FCHSD2: variants seen among roughly 807,000 people sequenced by gnomAD.
FCHSD2 encodes the protein F-BAR and double SH3 domains protein 2.
In FCHSD2, 38 loss-of-function variants were observed where a neutral mutation model predicts 108.1. That is an observed-to-expected ratio of 0.35 (90% confidence interval 0.27 to 0.46). The LOEUF is 0.46. Among genes scored for constraint, FCHSD2 ranks in the 20% least tolerant of loss-of-function variants. FCHSD2 has a pLI of 1.00. For missense variants in FCHSD2, 751 were observed against 897.8 expected (o/e 0.84, Z 2.09); for synonymous variants, 279 against 314.7 (o/e 0.89, Z 1.20).
At chr11:73,020,031 T>C (rs1858063824) in intron 3 of FCHSD2, among the ~76,000 whole-genome samples, 1 of 152,224 alleles carries the variant, frequency 6.6e-6, no homozygotes, top group South Asian at 2.1e-4. Flanking sequence ...TGCATAATGC[T>C]GATTTGATTT....
chr11:73,029,098 T>C (rs1489271859), intron 3 of FCHSD2, among the ~76,000 whole-genome samples: 1 of 152,082 alleles, frequency 6.6e-6, no homozygotes, highest in African/African-American at 2.4e-5. Context: ...ACCATAAATA[T>C]AATGGTGTAG....
At chr11:72,961,592 T>C (rs1034707817) in intron 8 of FCHSD2, among the ~76,000 whole-genome samples, 1 of 152,158 alleles carries the variant, frequency 6.6e-6, no homozygotes, top group East Asian at 1.9e-4. Flanking sequence ...AGTTCAGAAA[T>C]GGATACTTTT....
At chr11:72,943,949 CTTTA>C (rs1366833723) in intron 8 of FCHSD2, among the ~76,000 whole-genome samples, 1 of 152,148 alleles carries the variant, frequency 6.6e-6, no homozygotes, top group Non-Finnish European at 1.5e-5. Context: ...ATGCTGCCAA[CTTTA>C]ACTTCTATTG....
chr11:73,049,990 A>C (rs1052526761), intron 3 of FCHSD2, among the ~76,000 whole-genome samples: 19 of 152,218 alleles, frequency 1.2e-4, no homozygotes. Context: ...TTTGAGAGAG[A>C]GTGAAATACT....
At chr11:72,953,015 A>G (rs570743155) in intron 8 of FCHSD2, among the ~76,000 whole-genome samples, 22 of 152,320 alleles carry the variant, frequency 1.4e-4, no homozygotes, top group African/African-American at 5.3e-4. Context: ...GACTTGAAAA[A>G]ATTTTGTTAC....
intron 14 of FCHSD2, among the ~76,000 whole-genome samples, chr11:72,848,513 C>T (rs142730356): frequency 1.8e-3 from 281 of 152,300 alleles, no homozygotes; most frequent in Non-Finnish European, 3.2e-3. Flanking sequence ...AATCTTTTCA[C>T]ACTTGTTCTA....
intron 13 of FCHSD2, among the ~76,000 whole-genome samples, chr11:72,867,432 A>T (rs1334384975): frequency 1.3e-5 from 2 of 152,206 alleles, no homozygotes; most frequent in African/African-American, 4.8e-5. Flanking sequence ...AGTCACCTTC[A>T]GACTAAGCCC....
intron 4 of FCHSD2, among the ~76,000 whole-genome samples, chr11:73,006,700 T>C (rs968594750): frequency 1.3e-5 from 2 of 152,272 alleles, no homozygotes; most frequent in African/African-American, 4.8e-5. Context: ...CTATGCTTAC[T>C]GCTCTTACCG....
At chr11:73,108,748 T>C (rs1453718853) in intron 2 of FCHSD2, among the ~76,000 whole-genome samples, 1 of 152,082 alleles carries the variant, frequency 6.6e-6, no homozygotes, top group Non-Finnish European at 1.5e-5. Context: ...TTTTTTTGTA[T>C]TTTTAGTAGA....
At position 72,976,484 on chromosome 11, in the gene FCHSD2, T is replaced by C. The variant is rs1475183270; in HGVS notation, c.705+7604A>G. On this transcript the variant is annotated intron_variant, in intron 8 of 19. Transcript: ENST00000409418. ...TTGTAGAGACAAAGTCTCACTATGC[T>C]GCCCAGGCTGGTCTCAAACGCTTGG... Among the ~76,000 whole-genome samples, 7 of 152,106 alleles carry C rather than the reference T, an allele frequency of 4.6e-5. No individual in the cohort carries two copies. In the East Asian group the frequency reaches 1.2e-3, roughly 25 times the overall value.
chr11:72,993,519 A>T (rs558729368), intron 5 of FCHSD2, among the ~76,000 whole-genome samples: 1 of 152,210 alleles, frequency 6.6e-6, no homozygotes, highest in South Asian at 2.1e-4. Flanking sequence ...CAAATGTCCA[A>T]CAATGATAGA....
At chr11:72,944,447 T>C (rs1202567250) in intron 8 of FCHSD2, among the ~76,000 whole-genome samples, 3 of 152,198 alleles carry the variant, frequency 2.0e-5, no homozygotes, top group Non-Finnish European at 4.4e-5. Flanking sequence ...AATATCATAC[T>C]GAATGGGCAA....
At chr11:72,942,718 T>C (rs894149646) in intron 8 of FCHSD2, among the ~76,000 whole-genome samples, 5 of 152,236 alleles carry the variant, frequency 3.3e-5, no homozygotes, top group East Asian at 1.9e-4. Flanking sequence ...TGTTATGGTA[T>C]ATGCTATGCT....
intron 3 of FCHSD2, among the ~76,000 whole-genome samples, chr11:73,062,565 C>G (rs962229587): frequency 2.6e-5 from 4 of 152,140 alleles, no homozygotes; most frequent in Admixed American, 2.0e-4. Flanking sequence ...GAATTGCTAA[C>G]TAGAATAACC....
intron 3 of FCHSD2, among the ~76,000 whole-genome samples, chr11:73,051,012 A>C (rs1179099456): frequency 6.6e-6 from 1 of 152,302 alleles, no homozygotes; most frequent in African/African-American, 2.4e-5. Flanking sequence ...TGTTATCTAT[A>C]ATGGAAATAT....
chr11:72,901,960 T>C (rs896616077), intron 10 of FCHSD2, among the ~76,000 whole-genome samples: 1 of 151,236 alleles, frequency 6.6e-6, no homozygotes, highest in African/African-American at 2.4e-5. Context: ...CTGTAACCTC[T>C]GCCTCCCAGG....
At chr11:72,874,241 C>A (rs942710914) in intron 12 of FCHSD2, among the ~76,000 whole-genome samples, 1 of 152,168 alleles carries the variant, frequency 6.6e-6, no homozygotes, top group African/African-American at 2.4e-5. Flanking sequence ...AGCTGGAATG[C>A]GGTGGTATGA....
chr11:73,070,568 C>T (rs1383967315), intron 3 of FCHSD2, among the ~76,000 whole-genome samples: 6 of 152,050 alleles, frequency 3.9e-5, no homozygotes, highest in South Asian at 2.1e-4. Context: ...GTATTACAGG[C>T]GCCTGCCACC....
intron 4 of FCHSD2, among the ~76,000 whole-genome samples, chr11:73,014,710 T>G (rs1448772626): frequency 1.3e-5 from 2 of 152,194 alleles, no homozygotes; most frequent in African/African-American, 4.8e-5. Context: ...TGCTATTGTT[T>G]GAAGGGTATT....
Sources: gnomAD v4.1 joint callset for allele counts (sites outside exome capture counted in the v4.1 genomes callset) on GRCh38, gnomAD v4.1.1 for gene constraint, MANE v1.5 for transcripts, NCBI Gene and HGNC (gene_info 2026-07-23, HGNC 2026-07-21) for gene names.